MYO9B: variants seen among roughly 807,000 people sequenced by gnomAD.
MYO9B encodes myosin IXB.
Under a neutral mutation model 229.5 loss-of-function variants are expected in MYO9B, and 71 were observed. The ratio of observed to expected loss-of-function variants is 0.31; its 90% CI spans 0.26 to 0.38. The LOEUF (loss-of-function observed/expected upper bound fraction) is 0.38. Among genes scored for constraint, MYO9B ranks in the 10% least tolerant of loss-of-function variants. The pLI is 1.00. For synonymous variants in MYO9B, 1,185 were observed against 1,235.8 expected (o/e 0.96, Z 0.86); for missense variants, 2,255 against 2,920.5 (o/e 0.77, Z 5.25).
chr19:17,146,924 CT>C (rs2072417968), intron 3 of MYO9B, among the ~76,000 whole-genome samples: 1 of 152,254 alleles, frequency 6.6e-6, no homozygotes, highest in African/African-American at 2.4e-5. Flanking sequence ...ATCATTTCAA[CT>C]GATGGTTCAT....
chr19:17,184,769 A>C, intron 16 of MYO9B, 96 bp from the exon 17 acceptor site: 1 of 1,532,222 alleles, frequency 6.5e-7, no homozygotes, highest in Non-Finnish European at 8.9e-7. Flanking sequence ...CGCTGCGGGG[A>C]CGCTGTTCTG....
Position 17,102,063 on chromosome 19 carries a change from G to T in MYO9B, c.346G>T (p.Gly116Ter). ...CCTGCTGCAGGAGCGCAACGCAGAT[G>T]GAACCATCAAGTACGTGCATATGCA... ...YFLLQERNAD[G>*]TIKYVHMQLV... The change falls in exon 2 of 40, where the codon GGA becomes TGA. Residue 116 changes from glycine to a stop codon, truncating the protein, a stop_gained. Coordinates refer to ENST00000682292, the MANE Select transcript of MYO9B (RefSeq NM_004145.4). LOFTEE classifies it high-confidence loss of function. The T allele has an allele frequency of 6.2e-7, 1 of 1,612,598 alleles. No individual in the cohort carries two copies. The highest frequency in any genetic ancestry group is 8.5e-7 in the Non-Finnish European group (1 of 1,179,872).
intron 1 of MYO9B, among the ~76,000 whole-genome samples, chr19:17,080,808 A>G (rs1051617357): frequency 6.6e-6 from 1 of 152,068 alleles, no homozygotes; most frequent in Non-Finnish European, 1.5e-5. Context: ...GTTTGAGGCT[A>G]CAGTGAGCTA....
At chr19:17,088,264 T>C (rs551139668) in intron 1 of MYO9B, among the ~76,000 whole-genome samples, 5 of 152,296 alleles carry the variant, frequency 3.3e-5, no homozygotes, top group African/African-American at 1.2e-4. Flanking sequence ...TGTGTGCACA[T>C]GTCTCTTTTC....
Position 17,202,863 on chromosome 19 carries a change from A to C in MYO9B, c.4858A>C (p.Lys1620Gln), listed in dbSNP as rs765982295. Residue 1620 changes from lysine (K) to glutamine (Q), a missense_variant, in exon 29 of 40, where the codon AAG becomes CAG. By Grantham distance (53) the Lys-to-Gln change is moderately conservative. This residue lies in a region of MYO9B where 416 missense variants were observed against 605.5 expected (regional missense o/e 0.69). Coordinates refer to ENST00000682292, the MANE Select transcript of MYO9B (RefSeq NM_004145.4). ...PVKQSKAQKK[K>Q]RKQERAVQEH... ...ACAGCAGAGCAAAGCTCAGAAGAAG[A>C]AGCGGAAGCAGGAGCGTGCTGTGAG... is the stretch of plus-strand genomic sequence containing the variant. The C allele has an allele frequency of 3.1e-5, 49 of 1,601,922 alleles. No homozygotes were observed. The highest frequency in any genetic ancestry group is 1.8e-4 in the South Asian group (16 of 88,896).
At chr19:17,154,609 C>G (rs1037523723) in intron 6 of MYO9B, among the ~76,000 whole-genome samples, 194 bp downstream of exon 6, 1 of 152,104 alleles carries the variant, frequency 6.6e-6, no homozygotes, top group Non-Finnish European at 1.5e-5. Flanking sequence ...GGTCATTAGG[C>G]GATGCCAATT....
intron 10 of MYO9B, among the ~76,000 whole-genome samples, chr19:17,165,730 G>A (rs1003498514): frequency 1.3e-5 from 2 of 152,018 alleles, no homozygotes; most frequent in African/African-American, 4.8e-5. Context: ...AGCTGTGATC[G>A]CACCGCTGCA....
chr19:17,197,424 A>ATAGATAGG (rs2073056481), intron 22 of MYO9B, among the ~76,000 whole-genome samples: 2 of 88,292 alleles, frequency 2.3e-5, no homozygotes, highest in Non-Finnish European at 4.3e-5. Context: ...AGATAGATAG[A>ATAGATAGG]TAGATAGATA....
chr19:17,144,855 A>G (rs1217801556), intron 2 of MYO9B, among the ~76,000 whole-genome samples: 2 of 151,576 alleles, frequency 1.3e-5, no homozygotes, highest in African/African-American at 4.9e-5. Flanking sequence ...CTGTAATCCC[A>G]GCCACTCGGG....
At chr19:17,117,192 G>GT (rs750433325) in intron 2 of MYO9B, among the ~76,000 whole-genome samples, 11 of 152,206 alleles carry the variant, frequency 7.2e-5, no homozygotes, top group Non-Finnish European at 1.2e-4. Context: ...CAGCCTCAAT[G>GT]TTTGGGGCGG....
intron 3 of MYO9B, among the ~76,000 whole-genome samples, chr19:17,146,513 G>A (rs1407122599): frequency 2.0e-5 from 3 of 151,544 alleles, no homozygotes; most frequent in Non-Finnish European, 4.4e-5. Flanking sequence ...GTAGGTGGAC[G>A]AATAAATGAG....
chr19:17,095,731 C>A (rs148831778), intron 1 of MYO9B: 1 of 152,176 alleles, frequency 6.6e-6, no homozygotes, highest in Non-Finnish European at 1.5e-5. Flanking sequence ...AGAATTGCTA[C>A]GTCTGTATGT....
intron 1 of MYO9B, among the ~76,000 whole-genome samples, chr19:17,092,895 A>G (rs576780421): frequency 6.6e-6 from 1 of 152,214 alleles, no homozygotes; most frequent in East Asian, 1.9e-4. Context: ...GGTGTGTCCT[A>G]TGTTGTGTTC....
chr19:17,142,643 A>G (rs1048789410), intron 2 of MYO9B, among the ~76,000 whole-genome samples: 3 of 152,090 alleles, frequency 2.0e-5, no homozygotes, highest in Admixed American at 6.6e-5. Flanking sequence ...CGCAGACTAG[A>G]TGGTAGTCTC....
At chr19:17,182,558 C>A (rs777384680) in intron 15 of MYO9B, among the ~76,000 whole-genome samples, 95 of 152,144 alleles carry the variant, frequency 6.2e-4, no homozygotes, top group Non-Finnish European at 1.2e-3. Flanking sequence ...TGTGCACCAC[C>A]ACACCCGACT....
At chr19:17,198,030 C>A (rs1485785554) in intron 23 of MYO9B, 154 bp from the exon 24 acceptor site, 13 of 1,351,476 alleles carry the variant, frequency 9.6e-6, no homozygotes, top group Non-Finnish European at 1.2e-5. Context: ...CCACTGCACT[C>A]CAGCCTGGGC....
rs756699382 is a variant in MYO9B, at chr19:17,212,664, TTA to T, written c.*358_*359del. Reference sequence around the variant, plus strand: ...CCTTAATGGAAGACCAAATGGTTTTTTATATGTGTATGTACAAAGTTTTCTAT... The same window carrying T: ...CCTTAATGGAAGACCAAATGGTTTTTTATGTGTATGTACAAAGTTTTCTAT... On this transcript the variant is annotated 3_prime_UTR_variant, in exon 40 of 40. Transcript: ENST00000682292. The surrounding 1 kb of genome is among the most constrained non-coding windows in gnomAD (Gnocchi z 5.4). 20 of 265,584 alleles carry T rather than the reference TTA, an allele frequency of 7.5e-5. No individual in the cohort carries two copies. Among genetic ancestry groups the T allele is most frequent in the Non-Finnish European group, 1.3e-4 (19 of 141,484 alleles). 16.5% of individuals were successfully genotyped at this position (265,584 alleles called of 1,614,324 possible).
At position 17,159,440 on chromosome 19, in the gene MYO9B, G is replaced by A; in HGVS notation, c.1375G>A (p.Val459Met). ...GGAGGTTCTGACCAAAAGAAAAACGGTGACCGTCAACGACAAGCTTATCCT... is the reference window on the plus strand; with the variant it reads ...GGAGGTTCTGACCAAAAGAAAAACGATGACCGTCAACGACAAGCTTATCCT... ...LVEVLTKRKT[V>M]TVNDKLILPY... Residue 459 changes from valine to methionine, a missense_variant, in exon 8 of 40, where the codon GTG becomes ATG. Val to Met is a conservative substitution (Grantham distance 21). Coordinates refer to ENST00000682292, the MANE Select transcript of MYO9B (RefSeq NM_004145.4). 2 of 1,610,928 alleles carry A rather than the reference G, an allele frequency of 1.2e-6. No homozygotes were observed. Among genetic ancestry groups the A allele is most frequent in the Non-Finnish European group, 8.5e-7 (1 of 1,178,650 alleles).
chr19:17,200,874 A>G, intron 26 of MYO9B, 45 bp downstream of exon 26: 1 of 1,589,134 alleles, frequency 6.3e-7, no homozygotes, highest in Non-Finnish European at 8.6e-7. Flanking sequence ...CCCGGTCCCC[A>G]GGGGAACCAT....
Sources: allele counts gnomAD v4.1 joint callset (sites outside exome capture counted in the v4.1 genomes callset), GRCh38; gene constraint gnomAD v4.1.1; regional missense constraint gnomAD v4.1.1; non-coding constraint Gnocchi (gnomAD v3.1); transcripts MANE v1.5; gene names NCBI Gene and HGNC (gene_info 2026-07-23, HGNC 2026-07-21).